VPS39: variants seen among roughly 807,000 people sequenced by gnomAD.
VPS39 encodes VPS39 subunit of HOPS complex, also known as vam6/Vps39-like protein.
VPS39 carries 70 observed loss-of-function variants against 121.0 expected under a neutral mutation model. The observed-to-expected ratio is 0.58, with a 90% CI of 0.48 to 0.71. The LOEUF is 0.71. Among genes scored for constraint, VPS39 ranks in the 30% least tolerant of loss-of-function variants. VPS39 has a pLI of 0.00. For synonymous variants in VPS39, 378 were observed against 398.1 expected (o/e 0.95, Z 0.60); for missense variants, 818 against 1,051.5 (o/e 0.78, Z 3.07).
At chr15:42,187,463 A>G in intron 6 of VPS39, 100 bp from the exon 7 acceptor site, 1 of 1,080,498 alleles carries the variant, frequency 9.3e-7, no homozygotes, top group Non-Finnish European at 1.3e-6. Context: ...AACAACCCTC[A>G]CCCTCATCGG....
intron 12 of VPS39, among the ~76,000 whole-genome samples, chr15:42,167,926 T>A (rs1036973982): frequency 6.6e-6 from 1 of 152,226 alleles, no homozygotes; most frequent in Admixed American, 6.5e-5. Flanking sequence ...TATTGAGGTA[T>A]AACTTACAAT....
chr15:42,207,797 A>G (rs1402240918), intron 1 of VPS39, among the ~76,000 whole-genome samples: 1 of 152,238 alleles, frequency 6.6e-6, no homozygotes, highest in Non-Finnish European at 1.5e-5. Context: ...GCCAAAGCTG[A>G]GCACAACTAA....
chr15:42,195,041 G>T (rs554353061), intron 2 of VPS39, among the ~76,000 whole-genome samples: 1 of 152,138 alleles, frequency 6.6e-6, no homozygotes, highest in East Asian at 1.9e-4. Flanking sequence ...GGGGTCTAGA[G>T]ACCACATTTT....
intron 2 of VPS39, 72 bp from the exon 3 acceptor site, chr15:42,191,632 C>G: frequency 8.3e-7 from 1 of 1,205,204 alleles, no homozygotes; most frequent in Non-Finnish European, 1.2e-6. Flanking sequence ...TAGAAAAATA[C>G]TGCTCCATAC....
At chr15:42,195,107 C>T (rs1232964114) in intron 2 of VPS39, among the ~76,000 whole-genome samples, 1 of 152,100 alleles carries the variant, frequency 6.6e-6, no homozygotes, top group Non-Finnish European at 1.5e-5. Context: ...GTTGTAAAGG[C>T]CTCAGACATG....
In VPS39 at chr15:42,192,077, G is replaced by A. The variant is rs552160154; in HGVS notation, c.140-517C>T. Reference sequence around the variant, plus strand: ...GCGTCTACACTTACTGCCGCTTTCAGGTGATGCTACATCTGCTGGCACTGT... The same window carrying A: ...GCGTCTACACTTACTGCCGCTTTCAAGTGATGCTACATCTGCTGGCACTGT... On this transcript the variant is annotated intron_variant, in intron 2 of 24. Coordinates refer to ENST00000318006, the MANE Select transcript of VPS39 (RefSeq NM_015289.5). 50 of 1,536,404 alleles carry A rather than the reference G, an allele frequency of 3.3e-5. 1 individual carries two copies. The South Asian group carries it at 5.8e-4, about 18-fold the overall frequency.
intron 7 of VPS39, among the ~76,000 whole-genome samples, chr15:42,187,040 T>C (rs1015456651): frequency 7.2e-5 from 11 of 152,228 alleles, no homozygotes; most frequent in Non-Finnish European, 1.2e-4. Context: ...AAATACACAC[T>C]GTGGATCATC....
chr15:42,204,216 A>G (rs2050122120), intron 1 of VPS39, among the ~76,000 whole-genome samples: 1 of 152,234 alleles, frequency 6.6e-6, no homozygotes, highest in Admixed American at 6.5e-5. Context: ...AAATAACAGT[A>G]CTTCTCATCT....
Position 42,173,585 on chromosome 15 carries a change from G to T in VPS39, c.1090+138C>A. 2.6e-6 allele frequency: 3 copies of T among 1,146,098 alleles called. No homozygotes were observed. In the East Asian group the frequency reaches 7.2e-5, roughly 28 times the overall value. The allele number at this position is 1,146,098 out of a possible 1,614,324, so 71.0% of individuals were successfully genotyped here. A position where few individuals can be genotyped will look rare whatever the true frequency, so the allele number is the denominator to read the frequency against. ...TGTAACCACTGTGGTCACCCCACAG[G>T]ATCTTGCTAGGTATGAGGATCAATT... is the stretch of plus-strand genomic sequence containing the variant. On this transcript the variant is annotated intron_variant, in intron 11 of 24. Transcript: ENST00000318006.
At chr15:42,166,515 T>C (rs1479313284) in intron 15 of VPS39, 48 bp downstream of exon 15, 2 of 1,593,974 alleles carry the variant, frequency 1.3e-6, no homozygotes, top group East Asian at 2.2e-5. Flanking sequence ...GGAGACCAGG[T>C]CATTTGAACA....
Position 42,184,525 on chromosome 15 carries a change from A to G in VPS39, c.710T>C (p.Val237Ala), listed in dbSNP as rs768443351. ...GCTACTGTTGGTCTCACCCATGGCC[A>G]CTGGTATGTCCGTCCAGTTCAGGGC... Reference protein sequence around the residue: ...KCALNWTDIPVAMEHQPPYII... With the variant: ...KCALNWTDIPAAMEHQPPYII... Residue 237 changes from valine (V) to alanine (A), a missense_variant, in exon 8 of 25, where the codon GTG (valine) becomes GCG (alanine). Val to Ala is a moderately conservative substitution (Grantham distance 64, BLOSUM62 0). Coordinates refer to ENST00000318006, the MANE Select transcript of VPS39 (RefSeq NM_015289.5). 8 of 1,605,000 alleles carry G rather than the reference A, an allele frequency of 5.0e-6. No homozygotes were observed. In the African/African-American group the frequency reaches 1.1e-4, roughly 22 times the overall value.
At chr15:42,195,854 C>T (rs928211017) in intron 2 of VPS39, among the ~76,000 whole-genome samples, 1 of 152,198 alleles carries the variant, frequency 6.6e-6, no homozygotes, top group Non-Finnish European at 1.5e-5. Flanking sequence ...AAAGAGCCTG[C>T]ATTGCCAAGT....
Position 42,184,697 on chromosome 15 carries a change from C to T in VPS39, c.538G>A (p.Asp180Asn). Residue 180 changes from aspartate to asparagine, a missense_variant, in exon 8 of 25, where the codon GAT becomes AAT. By Grantham distance (23) the Asp-to-Asn change is conservative. Coordinates refer to ENST00000318006, the MANE Select transcript of VPS39 (RefSeq NM_015289.5). The stretch of plus-strand genomic sequence containing the variant: ...AGCTCTTTGATGGACCCCTTTCCAT[C>T]CACCTATAGGAAGAAACAGAGTGAG... The part of the protein sequence containing the change: ...FKRDYYLIRV[D>N]GKGSIKELFP... 2 of 1,610,188 alleles carry T rather than the reference C, an allele frequency of 1.2e-6. No individual in the cohort carries two copies. The highest frequency in any genetic ancestry group is 1.3e-5 in the African/African-American group (1 of 75,012).
intron 2 of VPS39, among the ~76,000 whole-genome samples, chr15:42,198,845 T>C (rs2050002709): frequency 6.6e-6 from 1 of 152,330 alleles, no homozygotes; most frequent in East Asian, 1.9e-4. Flanking sequence ...TATTTATTCT[T>C]TGGACCTTTT....
At chr15:42,196,175 A>C (rs1232898029) in intron 2 of VPS39, among the ~76,000 whole-genome samples, 1 of 152,142 alleles carries the variant, frequency 6.6e-6, no homozygotes, top group African/African-American at 2.4e-5. Context: ...TTAATTCAAG[A>C]TGGATTAAAG....
At position 42,160,892 on chromosome 15, in the gene VPS39, G is replaced by A. The variant is rs961648469; in HGVS notation, c.2553-63C>T. ...TCTAAGTGACCACTTCTCTGGCAGCGGCACCTCCTACAGAAGAGGCACATT... is the reference window on the plus strand; with the variant it reads ...TCTAAGTGACCACTTCTCTGGCAGCAGCACCTCCTACAGAAGAGGCACATT... On this transcript the variant is annotated intron_variant, in intron 24 of 24. Transcript: ENST00000318006. The A allele has an allele frequency of 7.4e-5, 115 of 1,546,618 alleles. 1 individual carries two copies. The Admixed American group carries it at 9.5e-4, about 13-fold the overall frequency.
intron 2 of VPS39, chr15:42,199,496 A>G (rs1366887396): frequency 2.4e-6 from 1 of 424,802 alleles, no homozygotes. Flanking sequence ...ATAAGCCAAC[A>G]AGATATTTTA....
At chr15:42,162,308 A>G (rs2049144963) in intron 22 of VPS39, 24 bp downstream of exon 22, 1 of 1,600,724 alleles carries the variant, frequency 6.2e-7, no homozygotes, top group African/African-American at 1.3e-5. Flanking sequence ...AACACCCTCC[A>G]TCTCCCTAGG....
chr15:42,201,576 C>A (rs1261025950), intron 1 of VPS39, among the ~76,000 whole-genome samples: 1 of 152,094 alleles, frequency 6.6e-6, no homozygotes, highest in African/African-American at 2.4e-5. Context: ...TAGGCTCTAC[C>A]CCGGAGCATC....
Sources: allele counts gnomAD v4.1 joint callset (sites outside exome capture counted in the v4.1 genomes callset), GRCh38; gene constraint gnomAD v4.1.1; transcripts MANE v1.5; gene names NCBI Gene and HGNC (gene_info 2026-07-23, HGNC 2026-07-21).